The following FXN variants were observed in gnomAD, a reference collection of about 807,000 sequenced individuals.
The protein encoded by FXN is frataxin.
FXN carries 14 observed loss-of-function variants against 22.4 expected under a neutral mutation model. The ratio of observed to expected loss-of-function variants is 0.62; its 90% CI spans 0.41 to 0.98. The LOEUF (loss-of-function observed/expected upper bound fraction) is 0.98. FXN is among the 50% of genes least tolerant of loss of function. The pLI is 0.00. For missense variants in FXN, 267 were observed against 268.4 expected (o/e 0.99, Z 0.04); for synonymous variants, 120 against 114.1 (o/e 1.05, Z -0.33).
chr9:69,065,576 T>A (rs1036031563), intron 4 of FXN, among the ~76,000 whole-genome samples: 3 of 150,978 alleles, frequency 2.0e-5, no homozygotes. Flanking sequence ...TATGTTAGCA[T>A]CCTTGTAAGT....
intron 4 of FXN, among the ~76,000 whole-genome samples, chr9:69,066,989 C>T (rs527435648): frequency 2.6e-4 from 39 of 152,338 alleles, no homozygotes; most frequent in African/African-American, 9.4e-4. Flanking sequence ...CAGGCCCCTC[C>T]CCTTCCTGCG....
Position 69,035,857 on chromosome 9 carries a change from C to T in FXN, c.75C>T (p.Thr25=). Residue 25 remains threonine (T), a synonymous_variant, in exon 1 of 5, where the codon ACC becomes ACT. Transcript: ENST00000484259. ...GCCCAGCCCAGGCCCAGACCCTCAC[C>T]CGGGTCCCGCGGCCGGCAGAGTTGG... ...SPSPAQAQTL[T]RVPRPAELAP... is the part of the protein sequence containing the mutation. 1.3e-6 allele frequency: 2 copies of T among 1,498,526 alleles called. No homozygotes were observed. The highest frequency in any genetic ancestry group is 1.8e-6 in the Non-Finnish European group (2 of 1,130,770). 92.8% of individuals were successfully genotyped at this position (1,498,526 alleles called of 1,614,324 possible). A position where few individuals can be genotyped will look rare whatever the true frequency, so the allele number is the denominator to read the frequency against.
chr9:69,069,153 C>T (rs1351499767), intron 4 of FXN, among the ~76,000 whole-genome samples: 2 of 152,202 alleles, frequency 1.3e-5, no homozygotes, highest in African/African-American at 4.8e-5. Context: ...CACTTGAGGT[C>T]AGGAGTTTGA....
chr9:69,064,063 G>C (rs1832123214), intron 3 of FXN, among the ~76,000 whole-genome samples: 3 of 152,146 alleles, frequency 2.0e-5, no homozygotes, highest in Non-Finnish European at 4.4e-5. Context: ...AGAATGCACA[G>C]AAAAAGGCTG....
chr9:69,063,989 T>A (rs577156397), intron 3 of FXN, among the ~76,000 whole-genome samples: 2 of 152,180 alleles, frequency 1.3e-5, no homozygotes, highest in South Asian at 2.1e-4. Flanking sequence ...CCTAAATAGC[T>A]CTCTGTGTTT....
chr9:69,046,264 A>G, intron 1 of FXN, 121 bp from the exon 2 acceptor site: 1 of 742,124 alleles, frequency 1.3e-6, no homozygotes, highest in Non-Finnish European at 2.4e-6. Context: ...CCTTTTTCTT[A>G]GAAAAAATGG....
chr9:69,071,079 A>C, intron 4 of FXN: 1 of 434,614 alleles, frequency 2.3e-6, no homozygotes, highest in Non-Finnish European at 4.5e-6. Context: ...AGAATAAAGG[A>C]GAATTCTAGG....
At chr9:69,067,265 G>T (rs764254307) in intron 4 of FXN, among the ~76,000 whole-genome samples, 1 of 152,254 alleles carries the variant, frequency 6.6e-6, no homozygotes. Context: ...GCGGGGTTCC[G>T]GGGGAGCAGG....
At chr9:69,051,018 G>T (rs1445746217) in intron 2 of FXN, among the ~76,000 whole-genome samples, 3 of 152,094 alleles carry the variant, frequency 2.0e-5, no homozygotes, top group African/African-American at 7.2e-5. Context: ...AACCTCAGGT[G>T]ATCCGCCCGC....
intron 4 of FXN, among the ~76,000 whole-genome samples, chr9:69,067,549 A>C (rs1334660276): frequency 6.6e-6 from 1 of 152,172 alleles, no homozygotes; most frequent in Non-Finnish European, 1.5e-5. Flanking sequence ...TTGGCTAAAG[A>C]AGTCCCCATA....
intron 3 of FXN, among the ~76,000 whole-genome samples, chr9:69,061,296 T>C (rs1178422979): frequency 6.6e-6 from 1 of 152,292 alleles, no homozygotes; most frequent in East Asian, 1.9e-4. Context: ...CATCTGCCCC[T>C]AGTTCTTGCC....
rs1456397567 is a variant in FXN, at chr9:69,076,452, T to C, written c.*3690T>C. ...GTTTACTTAACTTCGTATTAGATTC[T>C]GATTCCCTGGAACCATTTATCGTGT... On this transcript the variant is annotated 3_prime_UTR_variant, in exon 5 of 5. Coordinates refer to ENST00000484259, the MANE Select transcript of FXN (RefSeq NM_000144.5). 1 of 985,336 alleles carries C rather than the reference T, an allele frequency of 1.0e-6. No homozygotes were observed. Among genetic ancestry groups the C allele is most frequent in the East Asian group, 1.1e-4 (1 of 8,830 alleles). 61.0% of individuals were successfully genotyped at this position (985,336 alleles called of 1,614,324 possible).
chr9:69,067,401 GT>G (rs1489937752), intron 4 of FXN, among the ~76,000 whole-genome samples: 2 of 152,248 alleles, frequency 1.3e-5, no homozygotes, highest in African/African-American at 4.8e-5. Flanking sequence ...CGTCGTCATT[GT>G]TTTTATACCT....
At chr9:69,063,590 A>C (rs1008084051) in intron 3 of FXN, among the ~76,000 whole-genome samples, 1 of 152,196 alleles carries the variant, frequency 6.6e-6, no homozygotes, top group Non-Finnish European at 1.5e-5. Context: ...TTAAAAAAAT[A>C]ACCCAGTAGT....
chr9:69,069,498 A>G (rs1832234086), intron 4 of FXN, among the ~76,000 whole-genome samples: 1 of 151,448 alleles, frequency 6.6e-6, no homozygotes, highest in South Asian at 2.1e-4. Context: ...TGCATAAATA[A>G]TGTCACTTTC....
chr9:69,058,196 G>T (rs566042664), intron 3 of FXN, among the ~76,000 whole-genome samples: 6 of 152,058 alleles, frequency 3.9e-5, no homozygotes, highest in Non-Finnish European at 7.4e-5. Context: ...TGATCAAGTG[G>T]TCCAGGTAAC....
intron 1 of FXN, among the ~76,000 whole-genome samples, chr9:69,040,617 G>A (rs746118982): frequency 3.9e-5 from 6 of 152,122 alleles, no homozygotes; most frequent in Non-Finnish European, 5.9e-5. Flanking sequence ...GCAGTGATCC[G>A]AGATCGTGCC....
At chr9:69,039,178 G>A (rs933207538) in intron 1 of FXN, among the ~76,000 whole-genome samples, 7 of 151,940 alleles carry the variant, frequency 4.6e-5, no homozygotes, top group African/African-American at 1.5e-4. Flanking sequence ...GCTTGAACCC[G>A]GGAGGTGGTG....
At chr9:69,063,062 T>C (rs765254518) in intron 3 of FXN, among the ~76,000 whole-genome samples, 21 of 151,934 alleles carry the variant, frequency 1.4e-4, no homozygotes, top group Non-Finnish European at 2.6e-4. Flanking sequence ...ATTAGACAGG[T>C]GTGGTGTCTG....
Sources: gnomAD v4.1 joint callset for allele counts (sites outside exome capture counted in the v4.1 genomes callset) on GRCh38, gnomAD v4.1.1 for gene constraint, MANE v1.5 for transcripts, NCBI Gene and HGNC (gene_info 2026-07-23, HGNC 2026-07-21) for gene names.